PTPRS: variants seen among roughly 807,000 people sequenced by gnomAD.
The protein encoded by PTPRS is protein tyrosine phosphatase receptor type S.
A neutral mutation model predicts 215.3 loss-of-function variants in PTPRS; 63 were observed. That is an observed-to-expected ratio of 0.29 (90% CI 0.24 to 0.36). The LOEUF is 0.36. Among genes scored for constraint, PTPRS ranks in the 10% least tolerant of loss-of-function variants. The pLI, the probability that PTPRS is intolerant of heterozygous loss-of-function variation, is 1.00. For synonymous variants in PTPRS, 1,404 were observed against 1,191.4 expected, an observed-to-expected ratio of 1.18 and a Z score of -3.68; for missense variants, 2,258 against 2,825.8, an observed-to-expected ratio of 0.80 and a Z score of 4.56.
intron 25 of PTPRS, among the ~76,000 whole-genome samples, chr19:5,217,346 T>C (rs1348888006): frequency 2.0e-5 from 3 of 152,150 alleles, no homozygotes; most frequent in Non-Finnish European, 4.4e-5. Flanking sequence ...TACATGCACA[T>C]TTAAAATTCT....
chr19:5,280,429 C>T (rs927942883), intron 2 of PTPRS, among the ~76,000 whole-genome samples: 11 of 152,322 alleles, frequency 7.2e-5, no homozygotes, highest in Middle Eastern at 3.4e-3. Flanking sequence ...CCAAAAGTCA[C>T]TAGACCTGGC....
At position 5,210,090 on chromosome 19, in the gene PTPRS, G is replaced by A. The variant is rs1412600113; in HGVS notation, c.5487+379C>T. 6.6e-6 allele frequency among the ~76,000 whole-genome samples: 1 copy of A among 152,082 alleles called. No individual in the cohort carries two copies. Among genetic ancestry groups the A allele is most frequent in the African/African-American group, 2.4e-5 (1 of 41,400 alleles). On this transcript the variant is annotated intron_variant, in intron 35 of 37. Transcript: ENST00000262963. This position sits in a 1 kb window ranked among gnomAD's most constrained non-coding sequence, Gnocchi z 4.5. Reference sequence around the variant, plus strand: ...TACTCATCTCTCCTCACCCAACGGTGCCAGTCCCCACCATCTGACTCTCCT... The same window carrying A: ...TACTCATCTCTCCTCACCCAACGGTACCAGTCCCCACCATCTGACTCTCCT...
intron 1 of PTPRS, among the ~76,000 whole-genome samples, chr19:5,312,265 C>T (rs1199862098): frequency 3.3e-5 from 5 of 152,112 alleles, no homozygotes; most frequent in Admixed American, 6.6e-5. Flanking sequence ...TGGCTGTGTG[C>T]GTCCTGGTAC....
intron 1 of PTPRS, among the ~76,000 whole-genome samples, chr19:5,329,153 G>A (rs1305056387): frequency 1.3e-5 from 2 of 152,082 alleles, no homozygotes; most frequent in African/African-American, 4.8e-5. Flanking sequence ...CAGAGCTCCC[G>A]GCAGAGCAAG....
chr19:5,252,735 G>A lies in PTPRS; in HGVS notation c.718+3373C>T, dbSNP rs923165583. On this transcript the variant is annotated intron_variant, in intron 9 of 37. Transcript: ENST00000262963. Reference sequence around the variant, plus strand: ...ATAAAAATACAAAAATTAGCCAGGCGTGGTGGAGGGCAACTGTAATCCCAG... The same window carrying A: ...ATAAAAATACAAAAATTAGCCAGGCATGGTGGAGGGCAACTGTAATCCCAG... Among the ~76,000 whole-genome samples, 11 of 151,408 alleles carry A rather than the reference G, an allele frequency of 7.3e-5. No individual in the cohort carries two copies. In the East Asian group the frequency reaches 1.2e-3, roughly 16 times the overall value.
intron 12 of PTPRS, among the ~76,000 whole-genome samples, chr19:5,239,472 C>T (rs115091700): frequency 4.0e-5 from 6 of 150,174 alleles, no homozygotes; most frequent in Non-Finnish European, 7.4e-5. Context: ...GAGACAGAGA[C>T]AGAGAGAGAT....
At chr19:5,328,361 C>G (rs564460904) in intron 1 of PTPRS, among the ~76,000 whole-genome samples, 3 of 151,972 alleles carry the variant, frequency 2.0e-5, no homozygotes. Flanking sequence ...CCACCAGTCT[C>G]GGCCTCCCAA....
intron 2 of PTPRS, chr19:5,277,865 G>C: frequency 1.1e-6 from 1 of 911,418 alleles, no homozygotes; most frequent in South Asian, 1.3e-5. Flanking sequence ...ATTGACAACA[G>C]GGTTCGCAGA....
chr19:5,284,150 G>A (rs1464158069), intron 2 of PTPRS, among the ~76,000 whole-genome samples: 2 of 146,608 alleles, frequency 1.4e-5, no homozygotes. Context: ...CATGAGGTCA[G>A]GAGATTGAGA....
chr19:5,255,234 C>G (rs2045458611), intron 9 of PTPRS, among the ~76,000 whole-genome samples: 1 of 152,308 alleles, frequency 6.6e-6, no homozygotes, highest in East Asian at 1.9e-4. Flanking sequence ...TTGGGCTGCT[C>G]TCTCCACACA....
At position 5,271,599 on chromosome 19, in the gene PTPRS, C is replaced by T. The variant is rs2046915682; in HGVS notation, c.379+1843G>A. Among the ~76,000 whole-genome samples the T allele has an allele frequency of 2.0e-5, 3 of 151,950 alleles. No homozygotes were observed. The South Asian group carries it at 6.2e-4, about 32-fold the overall frequency. On this transcript the variant is annotated intron_variant, in intron 4 of 37. Coordinates refer to ENST00000262963, the MANE Select transcript of PTPRS (RefSeq NM_002850.4). The stretch of plus-strand genomic sequence containing the variant: ...ATTTTTAGTACAGACAGGGTTTCAC[C>T]ATGTTGGCCAGGCTGGTCTCTAAGT...
At chr19:5,286,008 A>G (rs2048322960) in intron 2 of PTPRS, 42 bp downstream of exon 2, 1 of 1,574,780 alleles carries the variant, frequency 6.4e-7, no homozygotes, top group Admixed American at 1.7e-5. Flanking sequence ...ACACAGGTAA[A>G]CAAACACGCA....
At chr19:5,259,877 C>T (rs1464732247) in intron 7 of PTPRS, among the ~76,000 whole-genome samples, 4 of 152,208 alleles carry the variant, frequency 2.6e-5, no homozygotes, top group African/African-American at 9.6e-5. Flanking sequence ...TGCCTATTCT[C>T]CCTGGACCTC....
In PTPRS at chr19:5,214,550, C is replaced by A; in HGVS notation, c.4494+11G>T. 1 of 1,611,776 alleles carries A rather than the reference C, an allele frequency of 6.2e-7. No individual in the cohort carries two copies. Among genetic ancestry groups the A allele is most frequent in the South Asian group, 1.1e-5 (1 of 91,056 alleles). ...GGCAGGGGCTTGAGGGCCGTGGGGT[C>A]CAAGGCTCACCCGTGACTTCTCCTC... On this transcript the variant is annotated intron_variant, in intron 29 of 37. Transcript: ENST00000262963.
At chr19:5,243,828 C>T (rs1435155055) in intron 11 of PTPRS, 73 bp downstream of exon 11, 9 of 1,296,558 alleles carry the variant, frequency 6.9e-6, no homozygotes, top group African/African-American at 6.0e-5. Flanking sequence ...AACCGCTCTG[C>T]GGCTTCCAGG....
chr19:5,274,492 CA>C, intron 2 of PTPRS, 148 bp from the exon 3 acceptor site: 1 of 1,034,086 alleles, frequency 9.7e-7, no homozygotes, highest in Non-Finnish European at 1.4e-6. Flanking sequence ...GCAAGGATGA[CA>C]ACAAACACCC....
At chr19:5,225,705 G>A (rs777283010) in intron 17 of PTPRS, 22 bp downstream of exon 17, 19 of 1,593,960 alleles carry the variant, frequency 1.2e-5, no homozygotes, top group Non-Finnish European at 1.5e-5. Flanking sequence ...GTTGGTGGGT[G>A]GGAGGAGGGC....
At chr19:5,309,411 T>G (rs995586440) in intron 1 of PTPRS, among the ~76,000 whole-genome samples, 1 of 152,200 alleles carries the variant, frequency 6.6e-6, no homozygotes, top group Admixed American at 6.5e-5. Context: ...TAACTCGTTT[T>G]GTTGTGCCAG....
chr19:5,215,139 A>C, intron 28 of PTPRS, 150 bp downstream of exon 28: 1 of 994,444 alleles, frequency 1.0e-6, no homozygotes, highest in Non-Finnish European at 1.5e-6. Context: ...TCAGTTAAAT[A>C]CATATCTAAA....
Sources: gnomAD v4.1 joint callset for allele counts (sites outside exome capture counted in the v4.1 genomes callset) on GRCh38, gnomAD v4.1.1 for gene constraint, Gnocchi (gnomAD v3.1) non-coding constraint, MANE v1.5 for transcripts, NCBI Gene and HGNC (gene_info 2026-07-23, HGNC 2026-07-21) for gene names.